MALRD1: variants seen among roughly 807,000 people sequenced by gnomAD.
MALRD1 encodes the protein MAM and LDL-receptor class A domain-containing protein 1.
MALRD1 carries 247 observed loss-of-function variants against 242.1 expected under a neutral mutation model. That is an observed-to-expected ratio of 1.02 (90% CI 0.92 to 1.13). The LOEUF is 1.13. Ranked by LOEUF, MALRD1 falls within the 50% of genes most tolerant of loss-of-function variation. The pLI is 0.00. For synonymous variants in MALRD1, 995 were observed against 866.6 expected, an observed-to-expected ratio of 1.15 and a Z score of -2.60; for missense variants, 2,989 against 2,533.1, an observed-to-expected ratio of 1.18 and a Z score of -3.86.
chr10:19,192,512 A>G (rs1472654713), intron 14 of MALRD1, among the ~76,000 whole-genome samples: 1 of 152,204 alleles, frequency 6.6e-6, no homozygotes, highest in Non-Finnish European at 1.5e-5. Flanking sequence ...CAAATAAAAC[A>G]AGGATCTCAG....
chr10:19,408,560 G>T (rs1419058102), intron 28 of MALRD1, among the ~76,000 whole-genome samples: 3 of 152,012 alleles, frequency 2.0e-5, no homozygotes, highest in Non-Finnish European at 4.4e-5. Flanking sequence ...ATACATTAGT[G>T]AAATGCATTA....
intron 29 of MALRD1, among the ~76,000 whole-genome samples, chr10:19,478,796 C>A (rs1201459443): frequency 6.6e-6 from 1 of 152,124 alleles, no homozygotes; most frequent in Non-Finnish European, 1.5e-5. Flanking sequence ...ATCAAAGTCA[C>A]CAAACACATC....
chr10:19,400,876 C>T (rs1035054718), intron 28 of MALRD1, among the ~76,000 whole-genome samples: 26 of 151,888 alleles, frequency 1.7e-4, no homozygotes, highest in African/African-American at 4.6e-4. Flanking sequence ...ATTAGCCAGG[C>T]GTGGTGGCAC....
rs1833215076 is a variant in MALRD1, at chr10:19,133,849, A to T, written c.1111-7A>T. 2 of 1,214,700 alleles carry T rather than the reference A, an allele frequency of 1.6e-6. No individual in the cohort carries two copies. The highest frequency in any genetic ancestry group is 3.1e-5 in the African/African-American group (2 of 64,016). The allele number at this position is 1,214,700 out of a possible 1,614,324, so 75.2% of individuals were successfully genotyped here. ...TAATGAGTGATGTCTTTCTCTTCAA[A>T]TCAAAGGAAGAAGAAATATTTTGGA... is the stretch of plus-strand genomic sequence containing the variant. On this transcript the variant is annotated splice_region_variant and splice_polypyrimidine_tract_variant and intron_variant, in intron 8 of 39. Coordinates refer to ENST00000454679, the MANE Select transcript of MALRD1 (RefSeq NM_001142308.3).
intron 14 of MALRD1, among the ~76,000 whole-genome samples, chr10:19,195,275 T>G (rs1017142323): frequency 2.0e-5 from 3 of 152,196 alleles, no homozygotes; most frequent in African/African-American, 7.2e-5. Flanking sequence ...AACATTTTAT[T>G]CACTTGGCTT....
At chr10:19,685,661 G>C (rs894717585) in intron 36 of MALRD1, among the ~76,000 whole-genome samples, 1 of 152,180 alleles carries the variant, frequency 6.6e-6, no homozygotes, top group Non-Finnish European at 1.5e-5. Context: ...GACTTTGAAG[G>C]CTCTGTCTTC....
chr10:19,277,068 G>A (rs762991046), intron 19 of MALRD1, among the ~76,000 whole-genome samples: 2 of 151,644 alleles, frequency 1.3e-5, no homozygotes, highest in Non-Finnish European at 2.9e-5. Context: ...TACAGGTGTG[G>A]GCCACCATGC....
At chr10:19,453,450 T>C (rs1835436122) in intron 29 of MALRD1, among the ~76,000 whole-genome samples, 1 of 152,240 alleles carries the variant, frequency 6.6e-6, no homozygotes, top group African/African-American at 2.4e-5. Flanking sequence ...GTGATCATTG[T>C]ACAACTTCAT....
At chr10:19,437,696 T>A (rs1369474327) in intron 28 of MALRD1, among the ~76,000 whole-genome samples, 1 of 152,134 alleles carries the variant, frequency 6.6e-6, no homozygotes, top group Non-Finnish European at 1.5e-5. Flanking sequence ...TGTTATATAC[T>A]AATGCTAGCT....
chr10:19,421,071 C>CA (rs1363296877), intron 28 of MALRD1, among the ~76,000 whole-genome samples: 2 of 152,170 alleles, frequency 1.3e-5, no homozygotes, highest in Non-Finnish European at 2.9e-5. Context: ...ATGTGGGGCA[C>CA]AGAGTGTGGG....
chr10:19,375,631 T>C (rs1165111838), intron 26 of MALRD1, among the ~76,000 whole-genome samples: 2 of 152,202 alleles, frequency 1.3e-5, no homozygotes, highest in East Asian at 1.9e-4. Flanking sequence ...TTTTGATACA[T>C]AACTGGTTGA....
intron 28 of MALRD1, among the ~76,000 whole-genome samples, chr10:19,421,383 C>G (rs1173130807): frequency 1.3e-5 from 2 of 152,088 alleles, no homozygotes; most frequent in African/African-American, 4.8e-5. Flanking sequence ...GAGAAAGTCA[C>G]TAACTTAAGT....
chr10:19,393,091 G>A (rs1589013590), intron 28 of MALRD1, among the ~76,000 whole-genome samples: 1 of 152,282 alleles, frequency 6.6e-6, no homozygotes, highest in Non-Finnish European at 1.5e-5. Flanking sequence ...TAGAAAGTCT[G>A]CATAATTGGT....
At chr10:19,171,833 T>C (rs1201933065) in intron 13 of MALRD1, among the ~76,000 whole-genome samples, 2 of 144,622 alleles carry the variant, frequency 1.4e-5, no homozygotes, top group African/African-American at 2.5e-5. Context: ...TATATACATA[T>C]ATACACATAT....
At chr10:19,084,401 T>G (rs947854768) in intron 2 of MALRD1, among the ~76,000 whole-genome samples, 1 of 151,966 alleles carries the variant, frequency 6.6e-6, no homozygotes. Context: ...GTTTTGATGA[T>G]CCATTCCTAC....
intron 17 of MALRD1, 36 bp downstream of exon 17, chr10:19,205,301 T>A: frequency 6.7e-7 from 1 of 1,502,806 alleles, no homozygotes; most frequent in South Asian, 1.3e-5. Flanking sequence ...CTCTTTCTCA[T>A]TTTGAAAGTG....
chr10:19,621,351 T>TAAAAAAAAA (rs56041015), intron 36 of MALRD1, among the ~76,000 whole-genome samples: 2 of 121,874 alleles, frequency 1.6e-5, no homozygotes, highest in African/African-American at 6.2e-5. Flanking sequence ...TAAAAATATG[T>TAAAAAAAAA]AAAAAAAAAA....
chr10:19,189,832 G>C (rs1020076684), intron 14 of MALRD1, among the ~76,000 whole-genome samples: 2 of 152,036 alleles, frequency 1.3e-5, no homozygotes, highest in African/African-American at 4.8e-5. Flanking sequence ...TAAAAGCCAT[G>C]TATGAAAAAC....
chr10:19,197,937 C>T (rs925091803), intron 14 of MALRD1, among the ~76,000 whole-genome samples: 4 of 152,060 alleles, frequency 2.6e-5, no homozygotes, highest in African/African-American at 9.7e-5. Context: ...AAGTTTTTGT[C>T]GAATGAATGA....
Sources: allele counts gnomAD v4.1 joint callset (sites outside exome capture counted in the v4.1 genomes callset), GRCh38; gene constraint gnomAD v4.1.1; transcripts MANE v1.5; gene names NCBI Gene and HGNC (gene_info 2026-07-23, HGNC 2026-07-21).